The following ZNF469 variants were observed in gnomAD, a reference collection of about 807,000 sequenced individuals.
ZNF469 encodes zinc finger protein 469.
In ZNF469, 1 loss-of-function variant was observed where a neutral mutation model predicts 1.0. The observed-to-expected ratio is 1.00, with a 90% CI of 0.35 to 4.73. ZNF469 has a LOEUF of 4.73. Among genes scored for constraint, ZNF469 ranks in the 30% most tolerant of loss-of-function variants. The pLI is 0.16. For missense variants in ZNF469, 6,100 were observed against 5,356.3 expected, an observed-to-expected ratio of 1.14 and a Z score of -4.33; for synonymous variants, 2,703 against 2,363.4, an observed-to-expected ratio of 1.14 and a Z score of -4.17.
rs140697844 is a variant in ZNF469 at position 88,435,177 on chromosome 16, C to T, written c.7707C>T (p.His2569=). The T allele has an allele frequency of 1.0e-4, 162 of 1,550,382 alleles. 2 individuals are homozygous for T. In the East Asian group the frequency reaches 2.1e-3, roughly 20 times the overall value. ...TTCTCAGAGCACCGGGGTCCCCACA[C>T]AGCCAGCAGCTGCACCCTCCAAGCC... ...KEVLRAPGSP[H]SQQLHPPSPT... The change falls in exon 3 of 3, where the codon CAC becomes CAT. Residue 2569 remains histidine (H), a synonymous_variant. Transcript: ENST00000565624.
At chr16:88,396,361 C>G (rs971289244) in intron 1 of ZNF469, among the ~76,000 whole-genome samples, 25 of 152,188 alleles carry the variant, frequency 1.6e-4, no homozygotes, top group African/African-American at 5.6e-4. Context: ...TGGAGGAGAC[C>G]CTCTTGAAGG....
the ZNF469 span, among the ~76,000 whole-genome samples, chr16:88,268,797 C>T: frequency 0.028 from 4,220 of 152,294 alleles, 188 homozygotes; most frequent in African/African-American, 0.096. Flanking sequence ...CCCAGACACT[C>T]GCTTGAAGTA....
upstream of ZNF469, among the ~76,000 whole-genome samples, chr16:88,380,957 C>G (rs1426984369): frequency 6.8e-6 from 1 of 147,162 alleles, no homozygotes; most frequent in African/African-American, 2.6e-5. Flanking sequence ...CACGCCCTCA[C>G]ACACAGACAT....
chr16:88,185,811 G>A, the ZNF469 span, among the ~76,000 whole-genome samples: 26 of 136,478 alleles, frequency 1.9e-4, no homozygotes, highest in South Asian at 4.8e-4. Context: ...GCACACACAC[G>A]CATACACGTG....
the ZNF469 span, among the ~76,000 whole-genome samples, chr16:88,245,432 C>CCCGCAG: frequency 6.6e-6 from 1 of 152,064 alleles, no homozygotes; most frequent in East Asian, 1.9e-4. Flanking sequence ...GGACCGTCCT[C>CCCGCAG]CCGCAGCCGC....
chr16:88,334,231 G>A, the ZNF469 span, among the ~76,000 whole-genome samples: 2 of 152,138 alleles, frequency 1.3e-5, no homozygotes, highest in Admixed American at 6.5e-5. Context: ...TTTCAGGTTT[G>A]TTGAGATGCT....
At position 88,431,816 on chromosome 16, in the gene ZNF469, C is replaced by A; in HGVS notation, c.4346C>A (p.Thr1449Asn). 1 of 1,549,736 alleles carries A rather than the reference C, an allele frequency of 6.5e-7. No homozygotes were observed. The highest frequency in any genetic ancestry group is 8.7e-7 in the Non-Finnish European group (1 of 1,146,934). The stretch of plus-strand genomic sequence containing the variant: ...CCAGGCAGGGCTGCATCGCCACCGA[C>A]CTTGGAGTCCTCATCCCTCTTCCCA... ...TEPGRAASPP[T>N]LESSSLFPDL... The change falls in exon 3 of 3, where the codon ACC becomes AAC. Residue 1449 changes from threonine (T) to asparagine (N), a missense_variant. Transcript: ENST00000565624.
chr16:88,228,975 T>A, the ZNF469 span, among the ~76,000 whole-genome samples: 1 of 152,164 alleles, frequency 6.6e-6, no homozygotes, highest in Non-Finnish European at 1.5e-5. Flanking sequence ...GGCACCCATA[T>A]CTGCCGTCCT....
chr16:88,265,768 G>A, the ZNF469 span, among the ~76,000 whole-genome samples: 4 of 152,348 alleles, frequency 2.6e-5, no homozygotes, highest in African/African-American at 7.2e-5. Flanking sequence ...GAGGCGGCGC[G>A]TCTCTCTCGC....
rs1205914794 is a variant in ZNF469 at position 88,436,620 on chromosome 16, C to A, written c.9150C>A (p.Ser3050Arg). ...PLRATDFEVL[S>R]TKFEMQDLCF... Reference sequence around the variant, plus strand: ...GTGCCACGGACTTTGAGGTGCTCAGCACCAAGTTTGAGATGCAAGACCTGT... The same window carrying A: ...GTGCCACGGACTTTGAGGTGCTCAGAACCAAGTTTGAGATGCAAGACCTGT... The change falls in exon 3 of 3, where the codon AGC becomes AGA. Residue 3050 changes from serine (S) to arginine (R), a missense_variant. Physicochemically the swap from Ser to Arg is moderately radical, Grantham distance 110. Transcript: ENST00000565624. 2 of 1,550,416 alleles carry A rather than the reference C, an allele frequency of 1.3e-6. No homozygotes were observed. The highest frequency in any genetic ancestry group is 1.2e-5 in the South Asian group (1 of 84,068).
At chr16:88,414,061 G>T (rs905426666) in intron 1 of ZNF469, among the ~76,000 whole-genome samples, 1 of 152,204 alleles carries the variant, frequency 6.6e-6, no homozygotes, top group Non-Finnish European at 1.5e-5. Flanking sequence ...ACACCCTCGG[G>T]TCTGGGACTC....
chr16:88,313,905 G>C, the ZNF469 span, among the ~76,000 whole-genome samples: 6 of 150,562 alleles, frequency 4.0e-5, no homozygotes, highest in East Asian at 1.0e-3. Flanking sequence ...TGTGTGGACT[G>C]TCATCTCTGT....
the ZNF469 span, among the ~76,000 whole-genome samples, chr16:88,327,409 G>T: frequency 3.3e-5 from 5 of 152,260 alleles, no homozygotes; most frequent in African/African-American, 1.2e-4. Context: ...GACGAGGTGG[G>T]CTGCAGGCCA....
chr16:88,239,662 T>G, the ZNF469 span, among the ~76,000 whole-genome samples: 1 of 95,406 alleles, frequency 1.0e-5, no homozygotes, highest in Non-Finnish European at 2.1e-5. Context: ...TTATTTTTTT[T>G]TTTTGTATAT....
chr16:88,301,050 G>A, the ZNF469 span, among the ~76,000 whole-genome samples: 4 of 152,074 alleles, frequency 2.6e-5, no homozygotes, highest in Non-Finnish European at 1.5e-5. Context: ...GGGCAACAGA[G>A]CGAGACTGTC....
chr16:88,266,075 C>A, the ZNF469 span, among the ~76,000 whole-genome samples: 47 of 152,382 alleles, frequency 3.1e-4, no homozygotes, highest in South Asian at 5.8e-3. Context: ...AGGCAGCAGG[C>A]CTGAGTTCCG....
chr16:88,109,785 G>A, the ZNF469 span, among the ~76,000 whole-genome samples: 4 of 143,868 alleles, frequency 2.8e-5, no homozygotes, highest in Non-Finnish European at 6.1e-5. Flanking sequence ...GGTGCTGTGC[G>A]TCTGTGTCCA....
Position 88,434,004 on chromosome 16 carries a change from A to G in ZNF469, c.6534A>G (p.Ala2178=). ...CTGCCTGGGCACCTCTGGAAGAGGCAGATGGCGTCCAAGCCACGACAGATA... is the reference window on the plus strand; with the variant it reads ...CTGCCTGGGCACCTCTGGAAGAGGCGGATGGCGTCCAAGCCACGACAGATA... ...CSPAWAPLEE[A]DGVQATTDTG... is the part of the protein sequence containing the mutation. Residue 2178 remains alanine, a synonymous_variant, in exon 3 of 3, where the codon GCA becomes GCG. Coordinates refer to ENST00000565624, the MANE Select transcript of ZNF469 (RefSeq NM_001367624.2). The G allele has an allele frequency of 6.5e-7, 1 of 1,550,294 alleles. No individual in the cohort carries two copies. Among genetic ancestry groups the G allele is most frequent in the Non-Finnish European group, 8.7e-7 (1 of 1,146,894 alleles).
chr16:88,309,062 C>T, the ZNF469 span, among the ~76,000 whole-genome samples: 1 of 152,190 alleles, frequency 6.6e-6, no homozygotes, highest in Non-Finnish European at 1.5e-5. Flanking sequence ...CACGTCCCGA[C>T]TGGACCTTCT....
Sources: gnomAD v4.1 joint callset for allele counts (sites outside exome capture counted in the v4.1 genomes callset) on GRCh38, gnomAD v4.1.1 for gene constraint, MANE v1.5 for transcripts, NCBI Gene and HGNC (gene_info 2026-07-23, HGNC 2026-07-21) for gene names.